Variants in CCDC172 observed in about 807,000 individuals in gnomAD.
CCDC172 encodes coiled-coil domain-containing protein 172.
In CCDC172, 30 loss-of-function variants were observed where a neutral mutation model predicts 38.0. The observed-to-expected ratio is 0.79, with a 90% CI of 0.59 to 1.07. The LOEUF (loss-of-function observed/expected upper bound fraction) is 1.07. Ranked by LOEUF, CCDC172 falls within the 50% of genes least tolerant of loss-of-function variation. The pLI, the probability that CCDC172 is intolerant of heterozygous loss-of-function variation, is 0.00. For synonymous variants in CCDC172, 78 were observed against 88.3 expected (o/e 0.88, Z 0.66); for missense variants, 297 against 290.1 (o/e 1.02, Z -0.17).
chr10:116,371,483 CAT>C (rs1242078521), intron 7 of CCDC172, among the ~76,000 whole-genome samples: 4 of 151,726 alleles, frequency 2.6e-5, no homozygotes, highest in East Asian at 1.9e-4. Flanking sequence ...TATTCATAGA[CAT>C]GTGTATGTGT....
At chr10:116,331,767 T>C (rs1844665994) in intron 3 of CCDC172, among the ~76,000 whole-genome samples, 1 of 152,172 alleles carries the variant, frequency 6.6e-6, no homozygotes, top group African/African-American at 2.4e-5. Flanking sequence ...GACATATTCC[T>C]TTGATAGAAA....
At chr10:116,340,670 C>T (rs560388003) in intron 3 of CCDC172, 64 bp from the exon 4 acceptor site, 10 of 774,238 alleles carry the variant, frequency 1.3e-5, no homozygotes, top group East Asian at 2.5e-5. Flanking sequence ...TTCTCTGTTA[C>T]CTAAGGTACT....
In CCDC172 at chr10:116,360,623, T is replaced by C. The variant is rs142791714; in HGVS notation, c.653+2685T>C. On this transcript the variant is annotated intron_variant, in intron 7 of 8. Coordinates refer to ENST00000333254, the MANE Select transcript of CCDC172 (RefSeq NM_198515.3). Reference sequence around the variant, plus strand: ...TTAGTCCCTCATTCCCTTATCCTAATGTGGAGAGGAGTGACACAGTCTGAT... The same window carrying C: ...TTAGTCCCTCATTCCCTTATCCTAACGTGGAGAGGAGTGACACAGTCTGAT... Among the ~76,000 whole-genome samples, 1,507 of 152,222 alleles carry C rather than the reference T, an allele frequency of 9.9e-3. 11 individuals carry two copies. Among genetic ancestry groups the C allele is most frequent in the Middle Eastern group, 0.031 (9 of 294 alleles).
intron 3 of CCDC172, 74 bp from the exon 4 acceptor site, chr10:116,340,657 ATCT>A (rs1011518972): frequency 6.1e-5 from 43 of 709,362 alleles, no homozygotes; most frequent in African/African-American, 3.4e-4. Flanking sequence ...TACTAGACAA[ATCT>A]TCTCTGTTAC....
intron 5 of CCDC172, among the ~76,000 whole-genome samples, chr10:116,354,393 G>A (rs1021584449): frequency 4.6e-5 from 7 of 152,116 alleles, no homozygotes; most frequent in African/African-American, 1.7e-4. Flanking sequence ...GGCAGGTCCT[G>A]TAAGAATTAT....
chr10:116,362,022 A>T (rs1015448719), intron 7 of CCDC172, among the ~76,000 whole-genome samples: 3 of 152,102 alleles, frequency 2.0e-5, no homozygotes, highest in African/African-American at 7.2e-5. Flanking sequence ...CCCCGTCTCT[A>T]CTAAAAATAC....
intron 5 of CCDC172, among the ~76,000 whole-genome samples, chr10:116,350,061 A>G (rs1844912678): frequency 6.6e-6 from 1 of 152,214 alleles, no homozygotes; most frequent in African/African-American, 2.4e-5. Flanking sequence ...GAAAGAGCAG[A>G]GCCTAAGGCA....
intron 3 of CCDC172, among the ~76,000 whole-genome samples, chr10:116,332,660 A>C (rs2134907456): frequency 6.6e-6 from 1 of 152,148 alleles, no homozygotes; most frequent in Middle Eastern, 3.4e-3. Flanking sequence ...TTTTAAGGTA[A>C]CCTGTTAGGT....
intron 7 of CCDC172, among the ~76,000 whole-genome samples, chr10:116,362,015 C>T (rs1029948144): frequency 1.3e-5 from 2 of 151,998 alleles, no homozygotes; most frequent in Non-Finnish European, 2.9e-5. Context: ...GGTGAAACCC[C>T]GTCTCTACTA....
chr10:116,343,530 TTTAA>T (rs1844826085), intron 5 of CCDC172, among the ~76,000 whole-genome samples: 1 of 144,386 alleles, frequency 6.9e-6, no homozygotes, highest in East Asian at 2.0e-4. Context: ...TTTTTTTTTT[TTTAA>T]AAAAATATAT....
intron 7 of CCDC172, among the ~76,000 whole-genome samples, chr10:116,370,004 T>C (rs1565724119): frequency 6.6e-6 from 1 of 151,972 alleles, no homozygotes; most frequent in Non-Finnish European, 1.5e-5. Context: ...AATTGTTTTT[T>C]TAACTACCTA....
chr10:116,358,957 CAA>C (rs1363461961), intron 7 of CCDC172, among the ~76,000 whole-genome samples: 2 of 152,098 alleles, frequency 1.3e-5, no homozygotes, highest in Non-Finnish European at 2.9e-5. Context: ...ATTAAACACA[CAA>C]AGTCTGTTAG....
At chr10:116,367,219 A>C (rs1845133769) in intron 7 of CCDC172, among the ~76,000 whole-genome samples, 1 of 152,118 alleles carries the variant, frequency 6.6e-6, no homozygotes, top group Non-Finnish European at 1.5e-5. Context: ...ACAATATTCT[A>C]TTGTATATTT....
chr10:116,352,685 T>G (rs1483839430), intron 5 of CCDC172, among the ~76,000 whole-genome samples: 1 of 152,018 alleles, frequency 6.6e-6, no homozygotes, highest in East Asian at 1.9e-4. Flanking sequence ...GGAATGAATA[T>G]TCCCCTCTAA....
At chr10:116,326,282 G>A (rs1844591694) in intron 3 of CCDC172, among the ~76,000 whole-genome samples, 1 of 152,128 alleles carries the variant, frequency 6.6e-6, no homozygotes, top group Admixed American at 6.6e-5. Flanking sequence ...CTCTGATTGG[G>A]AAGATGGGAA....
intron 7 of CCDC172, among the ~76,000 whole-genome samples, chr10:116,374,908 A>G (rs1048498015): frequency 3.3e-5 from 5 of 151,644 alleles, no homozygotes; most frequent in Admixed American, 1.3e-4. Flanking sequence ...AAAAAAAAGA[A>G]TGGAAAGCAA....
intron 7 of CCDC172, among the ~76,000 whole-genome samples, chr10:116,377,289 C>T (rs1267625839): frequency 3.3e-5 from 5 of 151,966 alleles, no homozygotes; most frequent in Non-Finnish European, 7.4e-5. Context: ...GTTCAAGGCC[C>T]CTTTGATTGG....
chr10:116,373,210 C>CT (rs1011199966), intron 7 of CCDC172, among the ~76,000 whole-genome samples: 17 of 151,990 alleles, frequency 1.1e-4, no homozygotes, highest in African/African-American at 4.1e-4. Flanking sequence ...GAGTTTGAGA[C>CT]TACCCTGGAC....
intron 3 of CCDC172, among the ~76,000 whole-genome samples, chr10:116,329,501 A>G (rs1394534631): frequency 6.6e-6 from 1 of 152,164 alleles, no homozygotes; most frequent in East Asian, 1.9e-4. Flanking sequence ...TAGTGCTAAC[A>G]CTAGGACAGC....
Sources: allele counts gnomAD v4.1 joint callset (sites outside exome capture counted in the v4.1 genomes callset), GRCh38; gene constraint gnomAD v4.1.1; transcripts MANE v1.5; gene names NCBI Gene and HGNC (gene_info 2026-07-23, HGNC 2026-07-21).